The following MAP3K15 variants were observed in gnomAD, a reference collection of about 807,000 sequenced individuals.
MAP3K15 encodes the protein mitogen-activated protein kinase kinase kinase 15.
In MAP3K15, 124 loss-of-function variants were observed where a neutral mutation model predicts 99.5. That is an observed-to-expected ratio of 1.25 (90% CI 1.08 to 1.45). MAP3K15 has a LOEUF of 1.45. MAP3K15 is among the 40% of genes most tolerant of loss of function. The pLI, the probability that MAP3K15 is intolerant of heterozygous loss-of-function variation, is 0.00. For synonymous variants in MAP3K15, 494 were observed against 439.6 expected (o/e 1.12, Z -1.55); for missense variants, 1,242 against 1,079.7 (o/e 1.15, Z -2.11).
Position 19,415,210 on chromosome X carries a change from T to C in MAP3K15, c.1487A>G (p.Lys496Arg). The C allele has an allele frequency of 1.7e-6, 2 of 1,181,150 alleles. No individual in the cohort carries two copies. The highest frequency in any genetic ancestry group is 3.7e-5 in the South Asian group (2 of 53,741). Residue 496 changes from lysine (K) to arginine (R), a missense_variant, in exon 10 of 29, where the codon AAG (lysine) becomes AGG (arginine). Lys to Arg is a conservative substitution (Grantham distance 26). Coordinates refer to ENST00000338883, the MANE Select transcript of MAP3K15 (RefSeq NM_001001671.4). ...GGGCGAGTGTTCAATAATGGTTTTCTTGAAGCGCCGAATTAGTAACAAGTT... is the reference window on the plus strand; with the variant it reads ...GGGCGAGTGTTCAATAATGGTTTTCCTGAAGCGCCGAATTAGTAACAAGTT... The part of the protein sequence containing the change: ...VQNLLLIRRF[K>R]KTIIEHSPRQ...
At chrX:19,367,818 G>C (rs1444973675) in intron 25 of MAP3K15, among the ~76,000 whole-genome samples, 1 of 85,514 alleles carries the variant, frequency 1.2e-5, no homozygotes, top group African/African-American at 4.7e-5. Flanking sequence ...GCACGATCTC[G>C]GCTCACTGCA....
intron 5 of MAP3K15, among the ~76,000 whole-genome samples, chrX:19,457,798 A>T (rs1232619277): frequency 2.7e-5 from 3 of 111,295 alleles, no homozygotes; most frequent in African/African-American, 9.8e-5. Flanking sequence ...ACGTTTCTGG[A>T]CCATAATTCT....
At chrX:19,453,919 G>T (rs1299158364) in intron 6 of MAP3K15, among the ~76,000 whole-genome samples, 4 of 111,521 alleles carry the variant, frequency 3.6e-5, no homozygotes, top group African/African-American at 6.5e-5. Context: ...TAGAGATGAC[G>T]AGCTCACTCT....
chrX:19,487,298 T>C (rs749314643), intron 2 of MAP3K15, among the ~76,000 whole-genome samples: 10 of 111,605 alleles, frequency 9.0e-5, no homozygotes, highest in Non-Finnish European at 1.9e-4. Context: ...TTCTGTATTA[T>C]TAAAAATTAA....
chrX:19,400,431 CATT>C, intron 14 of MAP3K15, 142 bp downstream of exon 14: 1 of 399,059 alleles, frequency 2.5e-6, no homozygotes, highest in Non-Finnish European at 4.4e-6. Context: ...ACACATTCAA[CATT>C]ATCTCTGGGA....
intron 6 of MAP3K15, among the ~76,000 whole-genome samples, chrX:19,431,935 C>A (rs191432395): frequency 9.9e-5 from 10 of 101,483 alleles, no homozygotes; most frequent in African/African-American, 4.0e-4. Flanking sequence ...CAGAGTGAGA[C>A]CCTGCTTTTT....
At chrX:19,401,840 G>C (rs970455716) in intron 13 of MAP3K15, among the ~76,000 whole-genome samples, 4 of 112,118 alleles carry the variant, frequency 3.6e-5, no homozygotes, top group African/African-American at 1.3e-4. Context: ...GAGGAATACT[G>C]TACATTTCAG....
intron 6 of MAP3K15, among the ~76,000 whole-genome samples, chrX:19,440,333 T>C (rs1217067409): frequency 8.9e-6 from 1 of 112,375 alleles, no homozygotes; most frequent in Non-Finnish European, 1.9e-5. Context: ...TGTTTCCCGA[T>C]TGGACCCTGA....
intron 1 of MAP3K15, among the ~76,000 whole-genome samples, chrX:19,490,610 G>A (rs1191486241): frequency 1.8e-5 from 2 of 110,073 alleles, no homozygotes; most frequent in African/African-American, 6.6e-5. Flanking sequence ...TTAGCCGGGT[G>A]TGGTGGTGCG....
At chrX:19,365,144 G>A (rs1035381197) in intron 25 of MAP3K15, among the ~76,000 whole-genome samples, 3 of 109,624 alleles carry the variant, frequency 2.7e-5, no homozygotes, top group African/African-American at 9.9e-5. Context: ...AGGAGGCAGA[G>A]GTTGCAGTGA....
intron 18 of MAP3K15, among the ~76,000 whole-genome samples, chrX:19,390,744 C>G (rs10284030): frequency 0.21 from 22,181 of 103,570 alleles, 5,067 homozygotes; most frequent in African/African-American, 0.66. Context: ...ATGTTGACCA[C>G]GCTGGTCTTG....
intron 6 of MAP3K15, among the ~76,000 whole-genome samples, chrX:19,447,621 C>T (rs886725068): frequency 2.8e-4 from 31 of 109,175 alleles, no homozygotes; most frequent in African/African-American, 1.0e-3. Context: ...CGGTGGCTCA[C>T]GCCTGTAATC....
intron 3 of MAP3K15, among the ~76,000 whole-genome samples, chrX:19,480,798 C>A (rs1269461168): frequency 1.0e-5 from 1 of 100,367 alleles, no homozygotes; most frequent in Non-Finnish European, 2.0e-5. Context: ...CCAGCCTGGG[C>A]TGGAGTGAAA....
chrX:19,512,858 T>C (rs1174833564), intron 1 of MAP3K15, among the ~76,000 whole-genome samples: 1 of 111,113 alleles, frequency 9.0e-6, no homozygotes, highest in East Asian at 2.8e-4. Context: ...GGCTAGTGGC[T>C]ACCAAATTGG....
intron 6 of MAP3K15, among the ~76,000 whole-genome samples, chrX:19,437,377 T>C (rs2063929296): frequency 8.9e-6 from 1 of 111,772 alleles, no homozygotes; most frequent in African/African-American, 3.3e-5. Context: ...TGTAAGGATC[T>C]ACAAGATGTG....
At chrX:19,413,113 T>TACACACACAC (rs377362996) in intron 11 of MAP3K15, among the ~76,000 whole-genome samples, 1 of 98,687 alleles carries the variant, frequency 1.0e-5, no homozygotes, top group African/African-American at 3.8e-5. Context: ...AATGTTTTTA[T>TACACACACAC]ACACACACAC....
At chrX:19,362,090 C>T (rs972952800) in intron 26 of MAP3K15, among the ~76,000 whole-genome samples, 5 of 111,021 alleles carry the variant, frequency 4.5e-5, no homozygotes, top group African/African-American at 6.6e-5. Flanking sequence ...GGTGGCAGCA[C>T]AGATACAGAA....
chrX:19,481,508 T>TA (rs1302793520), intron 3 of MAP3K15, among the ~76,000 whole-genome samples: 1 of 111,611 alleles, frequency 9.0e-6, no homozygotes, highest in Non-Finnish European at 1.9e-5. Flanking sequence ...GCACGATCCA[T>TA]AAAAGAAATA....
intron 3 of MAP3K15, among the ~76,000 whole-genome samples, chrX:19,483,264 A>C (rs954017611): frequency 2.7e-5 from 3 of 109,452 alleles, no homozygotes; most frequent in African/African-American, 1.0e-4. Flanking sequence ...TCTCAAAAAA[A>C]AAAAAAAAAA....
Sources: allele counts gnomAD v4.1 joint callset (sites outside exome capture counted in the v4.1 genomes callset), GRCh38; gene constraint gnomAD v4.1.1; transcripts MANE v1.5; gene names NCBI Gene and HGNC (gene_info 2026-07-23, HGNC 2026-07-21).